ADAMTSL3: variants seen among roughly 807,000 people sequenced by gnomAD.
ADAMTSL3 encodes the protein ADAMTS like 3, also known as ADAMTS-like protein 3.
Under a neutral mutation model 201.7 loss-of-function variants are expected in ADAMTSL3, and 128 were observed. That is an observed-to-expected ratio of 0.63 (90% CI 0.55 to 0.73). The LOEUF (loss-of-function observed/expected upper bound fraction) is 0.73, where lower values mean the gene tolerates loss of function less well. ADAMTSL3 is among the 30% of genes least tolerant of loss of function. ADAMTSL3 has a pLI of 0.00. For synonymous variants in ADAMTSL3, 738 were observed against 748.4 expected (o/e 0.99, Z 0.23); for missense variants, 1,990 against 2,119.6 (o/e 0.94, Z 1.20).
At chr15:83,852,507 C>T (rs1481149664) in intron 7 of ADAMTSL3, among the ~76,000 whole-genome samples, 1 of 152,180 alleles carries the variant, frequency 6.6e-6, no homozygotes, top group Non-Finnish European at 1.5e-5. Flanking sequence ...CTCAGTGTTA[C>T]AACAACTTTG....
Position 84,018,104 on chromosome 15 carries a change from A to C in ADAMTSL3, c.4273+1605A>C, listed in dbSNP as rs182024331. On this transcript the variant is annotated intron_variant, in intron 25 of 29. Coordinates refer to ENST00000286744, the MANE Select transcript of ADAMTSL3 (RefSeq NM_207517.3). ...GCCTAAAATAAATTAATGAAAAACA[A>C]AAAGGATATGTGTGAGGCTGAAGCT... Among the ~76,000 whole-genome samples, 88 of 152,374 alleles carry C rather than the reference A, an allele frequency of 5.8e-4. No homozygotes were observed. In the East Asian group the frequency reaches 0.014, roughly 25 times the overall value.
rs148167427 is a variant in ADAMTSL3, at chr15:83,982,500, C to T, written c.2872C>T (p.Arg958Trp). The T allele has an allele frequency of 7.2e-5, 116 of 1,614,084 alleles. No individual in the cohort carries two copies. The highest frequency in any genetic ancestry group is 5.3e-4 in the African/African-American group (40 of 74,934). The change falls in exon 21 of 30, where the codon CGG (arginine) becomes TGG (tryptophan). Residue 958 changes from arginine (R) to tryptophan (W), a missense_variant. Transcript: ENST00000286744. ...TGGCCGTTGCCTGCAGAACTCCAAACGGCTTGGCATCACCAAGTCAGGCTC... is the reference window on the plus strand; with the variant it reads ...TGGCCGTTGCCTGCAGAACTCCAAATGGCTTGGCATCACCAAGTCAGGCTC... ...KDGRCLQNSK[R>W]LGITKSGSLK...
At chr15:83,946,395 C>G (rs1022255820) in intron 19 of ADAMTSL3, among the ~76,000 whole-genome samples, 1 of 152,024 alleles carries the variant, frequency 6.6e-6, no homozygotes, top group Admixed American at 6.5e-5. Flanking sequence ...GAGCTTTCCT[C>G]TTCTGTGAAG....
chr15:83,721,827 G>A (rs557384367), intron 3 of ADAMTSL3, among the ~76,000 whole-genome samples: 1 of 152,250 alleles, frequency 6.6e-6, no homozygotes, highest in South Asian at 2.1e-4. Flanking sequence ...CTGCCTCCTG[G>A]GTTCAAGCGA....
intron 7 of ADAMTSL3, among the ~76,000 whole-genome samples, chr15:83,849,503 C>A (rs921679859): frequency 6.6e-6 from 1 of 152,180 alleles, no homozygotes; most frequent in African/African-American, 2.4e-5. Flanking sequence ...TAGAATCAGA[C>A]CTGCTTGGCA....
intron 20 of ADAMTSL3, among the ~76,000 whole-genome samples, chr15:83,971,577 AG>A (rs67356608): frequency 0.16 from 22,647 of 138,632 alleles, 2,387 homozygotes; most frequent in Middle Eastern, 0.34. Context: ...AAAAAAAAAA[AG>A]AAAGAAAGAA....
At chr15:83,675,124 G>C (rs2061385135) in intron 2 of ADAMTSL3, among the ~76,000 whole-genome samples, 1 of 151,830 alleles carries the variant, frequency 6.6e-6, no homozygotes, top group Non-Finnish European at 1.5e-5. Context: ...ATCATATACT[G>C]GTTCTAGGAA....
Position 83,885,104 on chromosome 15 carries a change from A to T in ADAMTSL3, c.964A>T (p.Arg322Trp). The T allele has an allele frequency of 6.2e-7, 1 of 1,611,938 alleles. No homozygotes were observed. The highest frequency in any genetic ancestry group is 8.5e-7 in the Non-Finnish European group (1 of 1,178,098). The change falls in exon 10 of 30, where the codon AGG becomes TGG. Residue 322 changes from arginine (R) to tryptophan (W), a missense_variant. Coordinates refer to ENST00000286744, the MANE Select transcript of ADAMTSL3 (RefSeq NM_207517.3). ...PLMADFIFKTRYTAAKDSVVQ... is the reference protein window; with the variant it reads ...PLMADFIFKTWYTAAKDSVVQ... ...TCTCACAGTTCTCTTTGTCCAGACC[A>T]GGTACACTGCAGCCAAAGACAGCGT...
chr15:83,715,308 C>T (rs1033216676), intron 3 of ADAMTSL3, among the ~76,000 whole-genome samples: 2 of 152,160 alleles, frequency 1.3e-5, no homozygotes, highest in African/African-American at 4.8e-5. Flanking sequence ...TCATTCTGCA[C>T]ATGCACACAT....
At chr15:83,808,320 CA>C (rs2063635612) in intron 5 of ADAMTSL3, among the ~76,000 whole-genome samples, 1 of 152,086 alleles carries the variant, frequency 6.6e-6, no homozygotes, top group African/African-American at 2.4e-5. Flanking sequence ...TAAAAATGGG[CA>C]AAAGGCCTTA....
intron 4 of ADAMTSL3, among the ~76,000 whole-genome samples, chr15:83,778,216 A>C (rs1220228177): frequency 6.6e-6 from 1 of 152,190 alleles, no homozygotes; most frequent in Non-Finnish European, 1.5e-5. Flanking sequence ...CATCCATGAG[A>C]ACTTCATGGA....
At chr15:83,989,421 A>T (rs551751011) in intron 22 of ADAMTSL3, among the ~76,000 whole-genome samples, 5 of 152,266 alleles carry the variant, frequency 3.3e-5, no homozygotes, top group Non-Finnish European at 7.3e-5. Context: ...TCTAAGAATC[A>T]GGAAATAATG....
chr15:84,021,686 GTT>G, intron 26 of ADAMTSL3, 93 bp downstream of exon 26: 1 of 1,387,722 alleles, frequency 7.2e-7, no homozygotes, highest in Non-Finnish European at 9.7e-7. Flanking sequence ...CAATAGCTAA[GTT>G]TTTTTTATCA....
intron 2 of ADAMTSL3, among the ~76,000 whole-genome samples, chr15:83,683,295 C>T (rs543224960): frequency 1.3e-5 from 2 of 152,264 alleles, no homozygotes; most frequent in South Asian, 2.1e-4. Context: ...ACTTGCACTG[C>T]TCCATGCTTT....
At chr15:83,921,467 C>G (rs1178067338) in intron 16 of ADAMTSL3, among the ~76,000 whole-genome samples, 1 of 152,078 alleles carries the variant, frequency 6.6e-6, no homozygotes, top group East Asian at 1.9e-4. Context: ...AAGGCTCTGA[C>G]TATGGATTTT....
chr15:84,019,199 A>G (rs1218638931), intron 25 of ADAMTSL3, among the ~76,000 whole-genome samples: 2 of 152,134 alleles, frequency 1.3e-5, no homozygotes, highest in Non-Finnish European at 2.9e-5. Context: ...CCTCAGTGAC[A>G]TACAATTTCA....
At chr15:84,016,360 G>C in intron 24 of ADAMTSL3, 23 bp from the exon 25 acceptor site, 1 of 1,584,270 alleles carries the variant, frequency 6.3e-7, no homozygotes, top group Non-Finnish European at 8.7e-7. Flanking sequence ...ACTGGTAAAA[G>C]TGCTACTTTT....
At chr15:83,970,090 G>C (rs761992710) in intron 19 of ADAMTSL3, among the ~76,000 whole-genome samples, 1 of 151,578 alleles carries the variant, frequency 6.6e-6, no homozygotes, top group East Asian at 1.9e-4. Context: ...CTATTAAAAG[G>C]GTCAAATTTT....
At chr15:83,996,713 G>A (rs1054906655) in intron 23 of ADAMTSL3, among the ~76,000 whole-genome samples, 9 of 149,106 alleles carry the variant, frequency 6.0e-5, no homozygotes, top group East Asian at 2.0e-4. Flanking sequence ...CCCAGGAGGC[G>A]GAGGTTGCAG....
Sources: allele counts gnomAD v4.1 joint callset (sites outside exome capture counted in the v4.1 genomes callset), GRCh38; gene constraint gnomAD v4.1.1; transcripts MANE v1.5; gene names NCBI Gene and HGNC (gene_info 2026-07-23, HGNC 2026-07-21).